TMEM232: variants seen among roughly 807,000 people sequenced by gnomAD.
TMEM232 encodes transmembrane protein 232.
In TMEM232, 80 loss-of-function variants were observed where a neutral mutation model predicts 78.8. That is an observed-to-expected ratio of 1.01 (90% CI 0.85 to 1.22). TMEM232 has a LOEUF of 1.22. Ranked by LOEUF, TMEM232 falls within the 50% of genes most tolerant of loss-of-function variation. The pLI, the probability that TMEM232 is intolerant of heterozygous loss-of-function variation, is 0.00. For synonymous variants in TMEM232, 297 were observed against 254.3 expected (o/e 1.17, Z -1.60); for missense variants, 881 against 742.2 (o/e 1.19, Z -2.17).
chr5:110,437,405 A>G (rs1758558897), intron 12 of TMEM232, among the ~76,000 whole-genome samples: 1 of 152,064 alleles, frequency 6.6e-6, no homozygotes, highest in Non-Finnish European at 1.5e-5. Flanking sequence ...AAAGATGCAT[A>G]TATTTATGAA....
chr5:110,616,781 T>C (rs868836822), intron 8 of TMEM232, among the ~76,000 whole-genome samples: 2 of 152,136 alleles, frequency 1.3e-5, no homozygotes, highest in East Asian at 3.9e-4. Context: ...TTAGAATGGC[T>C]ATTATCAAAA....
At chr5:110,674,025 A>C (rs1004766946) in intron 1 of TMEM232, among the ~76,000 whole-genome samples, 4 of 151,802 alleles carry the variant, frequency 2.6e-5, no homozygotes, top group Admixed American at 6.6e-5. Context: ...GGAAAAAAAA[A>C]ATTCGTTTTC....
intron 4 of TMEM232, 99 bp downstream of exon 4, chr5:110,640,792 T>A: frequency 1.3e-6 from 1 of 746,558 alleles, no homozygotes; most frequent in Non-Finnish European, 1.9e-6. Flanking sequence ...AAATTTCTTG[T>A]CTTCTGCACA....
At chr5:110,606,077 G>T (rs114352239) in intron 9 of TMEM232, 87 bp downstream of exon 9, 1 of 1,299,708 alleles carries the variant, frequency 7.7e-7, no homozygotes, top group East Asian at 2.6e-5. Context: ...TACTATATGC[G>T]CTAATACGAT....
rs1461776129 is a variant in TMEM232, at chr5:110,661,065, CAT to C, written c.125+6161_125+6162del. ...TGAGATCAATTTATTTTAGCACACA[CAT>C]GTGAGTGACAATAGCGGTATTTGTC... On this transcript the variant is annotated intron_variant, in intron 2 of 13. Transcript: ENST00000455884. Among the ~76,000 whole-genome samples the C allele has an allele frequency of 3.3e-5, 5 of 152,242 alleles. No homozygotes were observed. In the East Asian group the frequency reaches 7.7e-4, roughly 24 times the overall value.
At chr5:110,390,491 G>C (rs1433421769) in exon 4 of TMEM232, 1 of 152,184 alleles carries the variant, frequency 6.6e-6, no homozygotes, top group African/African-American at 2.4e-5. Flanking sequence ...CAACACATCA[G>C]AGGCTATTGA....
At chr5:110,552,730 C>T (rs999273549) in intron 11 of TMEM232, among the ~76,000 whole-genome samples, 2 of 152,070 alleles carry the variant, frequency 1.3e-5, no homozygotes, top group African/African-American at 4.8e-5. Flanking sequence ...AATCTTCATA[C>T]ACTTAATGTA....
At chr5:110,725,406 G>T (rs1798051383) in intron 1 of TMEM232, among the ~76,000 whole-genome samples, 1 of 152,190 alleles carries the variant, frequency 6.6e-6, no homozygotes, top group African/African-American at 2.4e-5. Context: ...TTAAGCATTT[G>T]TGAGCAGACA....
chr5:110,541,724 C>A (rs149762641), intron 11 of TMEM232, among the ~76,000 whole-genome samples: 1 of 152,244 alleles, frequency 6.6e-6, no homozygotes, highest in East Asian at 1.9e-4. Context: ...ATCCATAATA[C>A]CCCTAGAGCA....
At chr5:110,557,484 T>C (rs748248173) in intron 11 of TMEM232, among the ~76,000 whole-genome samples, 2 of 152,202 alleles carry the variant, frequency 1.3e-5, no homozygotes, top group Non-Finnish European at 2.9e-5. Context: ...ACGAAATACC[T>C]GAGCTGGATA....
downstream of TMEM232, among the ~76,000 whole-genome samples, chr5:110,419,041 T>G (rs1756403872): frequency 6.6e-6 from 1 of 152,090 alleles, no homozygotes; most frequent in Non-Finnish European, 1.5e-5. Context: ...GGGAGAAAAT[T>G]GAAACCTTGA....
chr5:110,432,721 G>A lies in TMEM232; in HGVS notation c.1704-7805C>T, dbSNP rs962519980. ...AAAAACAAAACAGACACATTCTTCT[G>A]CTGTCTTTAAGAGACAAACCCACCT... On this transcript the variant is annotated intron_variant, in intron 12 of 13. Transcript: ENST00000455884. Among the ~76,000 whole-genome samples, 3 of 151,688 alleles carry A rather than the reference G, an allele frequency of 2.0e-5. No homozygotes were observed. The Admixed American group carries it at 2.0e-4, about 10-fold the overall frequency.
chr5:110,631,048 C>A (rs1359130283), intron 5 of TMEM232, among the ~76,000 whole-genome samples: 1 of 152,090 alleles, frequency 6.6e-6, no homozygotes, highest in African/African-American at 2.4e-5. Flanking sequence ...GCTGCATCCT[C>A]CCTTTAGAAA....
At chr5:110,527,325 T>C (rs1198232213) in intron 12 of TMEM232, among the ~76,000 whole-genome samples, 2 of 151,872 alleles carry the variant, frequency 1.3e-5, no homozygotes, top group Non-Finnish European at 2.9e-5. Flanking sequence ...TACATATTAA[T>C]CCAAATTACT....
intron 11 of TMEM232, among the ~76,000 whole-genome samples, chr5:110,537,243 A>G (rs1319040678): frequency 3.3e-5 from 5 of 152,062 alleles, no homozygotes; most frequent in African/African-American, 1.2e-4. Context: ...CCACCACTGG[A>G]ATCAATTTGA....
chr5:110,578,081 CAT>C (rs962638570), intron 10 of TMEM232, among the ~76,000 whole-genome samples: 2 of 151,718 alleles, frequency 1.3e-5, no homozygotes, highest in African/African-American at 4.8e-5. Flanking sequence ...ATTACAAAAA[CAT>C]ATAAAAATAA....
intron 2 of TMEM232, 79 bp from the exon 3 acceptor site, chr5:110,642,450 C>G (rs1364760157): frequency 1.1e-6 from 1 of 912,502 alleles, no homozygotes; most frequent in East Asian, 3.0e-5. Context: ...CTTCCAGTGG[C>G]TATGTATAAC....
intron 11 of TMEM232, among the ~76,000 whole-genome samples, chr5:110,548,955 T>C (rs934342521): frequency 2.6e-5 from 4 of 151,874 alleles, no homozygotes; most frequent in African/African-American, 9.7e-5. Flanking sequence ...TCAAACAATA[T>C]AAATGTAACA....
intron 12 of TMEM232, among the ~76,000 whole-genome samples, chr5:110,490,964 C>T (rs1489499898): frequency 6.6e-6 from 1 of 152,008 alleles, no homozygotes; most frequent in Non-Finnish European, 1.5e-5. Context: ...CAAAAACACA[C>T]AAAATAAATA....
Sources: allele counts gnomAD v4.1 joint callset (sites outside exome capture counted in the v4.1 genomes callset), GRCh38; gene constraint gnomAD v4.1.1; transcripts MANE v1.5; gene names NCBI Gene and HGNC (gene_info 2026-07-23, HGNC 2026-07-21).